The following ADCY1 variants were observed in gnomAD, a reference collection of about 807,000 sequenced individuals.
ADCY1 encodes the protein adenylate cyclase 1.
A neutral mutation model predicts 105.4 loss-of-function variants in ADCY1; 28 were observed. The ratio of observed to expected loss-of-function variants is 0.27; its 90% CI spans 0.20 to 0.36. The LOEUF is 0.36. Ranked by LOEUF, ADCY1 falls within the 10% of genes least tolerant of loss-of-function variation. The probability of loss-of-function intolerance (pLI) is 1.00; values close to 1 mark genes in which losing one functional copy is unlikely to be tolerated. For synonymous variants in ADCY1, 655 were observed against 623.8 expected, an observed-to-expected ratio of 1.05 and a Z score of -0.75; for missense variants, 977 against 1,434.2, an observed-to-expected ratio of 0.68 and a Z score of 5.15.
intron 4 of ADCY1, among the ~76,000 whole-genome samples, chr7:45,632,866 C>T (rs887500945): frequency 4.6e-5 from 7 of 152,090 alleles, no homozygotes; most frequent in Non-Finnish European, 7.4e-5. Context: ...CCACCATGCT[C>T]GGCCAATGTA....
At chr7:45,657,907 G>T in intron 6 of ADCY1, 22 bp downstream of exon 6, 1 of 1,471,128 alleles carries the variant, frequency 6.8e-7, no homozygotes, top group Non-Finnish European at 9.4e-7. Flanking sequence ...ATGGGGTGGG[G>T]AGGGGAGGGA....
chr7:45,662,248 C>A (rs1443280239), intron 8 of ADCY1, 34 bp downstream of exon 8: 4 of 1,594,994 alleles, frequency 2.5e-6, no homozygotes, highest in African/African-American at 2.7e-5. Context: ...CATGCTGGAG[C>A]TGCCAGGGAC....
chr7:45,622,117 G>A (rs1054648305), intron 3 of ADCY1, among the ~76,000 whole-genome samples: 16 of 152,136 alleles, frequency 1.1e-4, no homozygotes, highest in Non-Finnish European at 1.9e-4. Flanking sequence ...CTGAGGGGGC[G>A]GCCCCTTTGC....
intron 14 of ADCY1, among the ~76,000 whole-genome samples, chr7:45,690,835 A>T (rs1041712006): frequency 1.3e-5 from 2 of 152,192 alleles, no homozygotes; most frequent in Admixed American, 6.5e-5. Flanking sequence ...CTGGGAGGAT[A>T]TGTTGACCCA....
intron 4 of ADCY1, among the ~76,000 whole-genome samples, chr7:45,629,097 C>G (rs1308585405): frequency 6.6e-6 from 1 of 152,232 alleles, no homozygotes; most frequent in East Asian, 1.9e-4. Context: ...CCTGTCTCCT[C>G]CCACTTCTCA....
intron 2 of ADCY1, among the ~76,000 whole-genome samples, chr7:45,600,437 C>G (rs1793198880): frequency 6.6e-6 from 1 of 152,184 alleles, no homozygotes; most frequent in Non-Finnish European, 1.5e-5. Context: ...GGCTCTGACC[C>G]CACTCGCTGA....
intron 1 of ADCY1, among the ~76,000 whole-genome samples, chr7:45,592,512 C>A (rs550222366): frequency 6.6e-6 from 1 of 152,310 alleles, no homozygotes; most frequent in East Asian, 1.9e-4. Flanking sequence ...TTTTGGGGGA[C>A]ACAGTTTGGC....
intron 3 of ADCY1, among the ~76,000 whole-genome samples, chr7:45,612,639 T>C (rs1793622057): frequency 1.3e-5 from 2 of 152,170 alleles, no homozygotes. Context: ...CACTGACCCT[T>C]TCCCCTGCTC....
rs762267059 is a variant in ADCY1, at chr7:45,592,905, G to A, written c.786G>A (p.Lys262=). ...TGAGGCTGGAGGATGAGAACGAGAA[G>A]CAGGTCAGTGGCTTGGGCCAGTCAG... ...DRLRLEDENE[K]QERLLMSLLP... Residue 262 remains lysine, a synonymous_variant, in exon 2 of 20, where the codon AAG becomes AAA. Coordinates refer to ENST00000297323, the MANE Select transcript of ADCY1 (RefSeq NM_021116.4). The A allele has an allele frequency of 2.5e-6, 4 of 1,614,218 alleles. No homozygotes were observed. Among genetic ancestry groups the A allele is most frequent in the Non-Finnish European group, 3.4e-6 (4 of 1,180,040 alleles).
chr7:45,692,327 C>A (rs1270866821), intron 14 of ADCY1, among the ~76,000 whole-genome samples: 6 of 152,222 alleles, frequency 3.9e-5, no homozygotes, highest in Non-Finnish European at 8.8e-5. Flanking sequence ...TATACCTAAT[C>A]CTGTGCTGGG....
At chr7:45,628,371 A>G (rs906753039) in intron 4 of ADCY1, among the ~76,000 whole-genome samples, 4 of 152,134 alleles carry the variant, frequency 2.6e-5, no homozygotes, top group African/African-American at 9.7e-5. Flanking sequence ...GCTCCTGCCC[A>G]TGCTCTAGCC....
intron 8 of ADCY1, among the ~76,000 whole-genome samples, chr7:45,676,132 A>G (rs910929532): frequency 1.3e-5 from 2 of 151,206 alleles, no homozygotes; most frequent in Non-Finnish European, 2.9e-5. Context: ...GGAATTCTTT[A>G]CTGTGTGCAC....
In ADCY1 at chr7:45,575,003, G is replaced by A; in HGVS notation, c.460G>A (p.Gly154Arg). ...CGCCCGGGGTTCCGCCGGGGCCGCTGGGGGGCCAGCGACCGCCGAACAAGG... is the reference window on the plus strand; with the variant it reads ...CGCCCGGGGTTCCGCCGGGGCCGCTAGGGGGCCAGCGACCGCCGAACAAGG... ...GPARGSAGAA[G>R]GPATAEQGVW... is the part of the protein sequence containing the mutation. The change falls in exon 1 of 20, where the codon GGG (glycine) becomes AGG (arginine). Residue 154 changes from glycine to arginine, a missense_variant. By Grantham distance (125) the Gly-to-Arg change is moderately radical. This residue lies in a region of ADCY1 where 209 missense variants were observed against 222.5 expected (regional missense o/e 0.94). Transcript: ENST00000297323. The surrounding 1 kb of genome is among the most constrained non-coding windows in gnomAD (Gnocchi z 4.7). The A allele has an allele frequency of 6.2e-7, 1 of 1,611,202 alleles. No individual in the cohort carries two copies. Among genetic ancestry groups the A allele is most frequent in the Non-Finnish European group, 8.5e-7 (1 of 1,179,184 alleles).
rs1326418167 is a variant in ADCY1, at chr7:45,664,243, C to G, written c.1605+2029C>G. 7 of 1,517,160 alleles carry G rather than the reference C, an allele frequency of 4.6e-6. No individual in the cohort carries two copies. In the East Asian group the frequency reaches 1.7e-4, roughly 37 times the overall value. The allele number at this position is 1,517,160 out of a possible 1,614,324, so 94.0% of individuals were successfully genotyped here. On this transcript the variant is annotated intron_variant, in intron 8 of 19. Transcript: ENST00000297323. The stretch of plus-strand genomic sequence containing the variant: ...AGAGCCTGGCTAAAATTTGGTCAAG[C>G]AGAGAAGCTGTGTCGGACCCCACAC...
chr7:45,623,628 CTCA>C (rs1279354822), intron 4 of ADCY1, among the ~76,000 whole-genome samples: 1 of 152,248 alleles, frequency 6.6e-6, no homozygotes, highest in African/African-American at 2.4e-5. Flanking sequence ...CATTGTACTA[CTCA>C]TCAGCCATCA....
chr7:45,581,872 C>T (rs781267519), intron 1 of ADCY1, among the ~76,000 whole-genome samples: 1 of 152,114 alleles, frequency 6.6e-6, no homozygotes, highest in Non-Finnish European at 1.5e-5. Context: ...CACATACCCA[C>T]ACAAAAATCC....
intron 10 of ADCY1, among the ~76,000 whole-genome samples, chr7:45,678,700 C>G (rs1291726484): frequency 7.5e-6 from 1 of 132,872 alleles, no homozygotes; most frequent in Non-Finnish European, 1.6e-5. Flanking sequence ...AGCAATATAG[C>G]AACACTCTAT....
At chr7:45,628,470 C>A (rs1012905352) in intron 4 of ADCY1, among the ~76,000 whole-genome samples, 1 of 152,140 alleles carries the variant, frequency 6.6e-6, no homozygotes, top group African/African-American at 2.4e-5. Context: ...GTCCTGGGAT[C>A]CTTGCAGAGT....
intron 2 of ADCY1, among the ~76,000 whole-genome samples, chr7:45,597,601 G>A (rs559717737): frequency 7.9e-5 from 12 of 152,186 alleles, no homozygotes; most frequent in Non-Finnish European, 1.5e-4. Context: ...CTCCTGTACT[G>A]TTTAGTGTCA....
Sources: allele counts gnomAD v4.1 joint callset (sites outside exome capture counted in the v4.1 genomes callset), GRCh38; gene constraint gnomAD v4.1.1; regional missense constraint gnomAD v4.1.1; non-coding constraint Gnocchi (gnomAD v3.1); transcripts MANE v1.5; gene names NCBI Gene and HGNC (gene_info 2026-07-23, HGNC 2026-07-21).